AHCTF1: variants seen among roughly 807,000 people sequenced by gnomAD.
AHCTF1 encodes protein ELYS.
In AHCTF1, 24 loss-of-function variants were observed where a neutral mutation model predicts 248.4. That is an observed-to-expected ratio of 0.10 (90% CI 0.07 to 0.14). The LOEUF (loss-of-function observed/expected upper bound fraction) is 0.14, where lower values mean the gene tolerates loss of function less well. Ranked by LOEUF, AHCTF1 falls within the 10% of genes least tolerant of loss-of-function variation. AHCTF1 has a pLI of 1.00. For synonymous variants in AHCTF1, 786 were observed against 929.8 expected (o/e 0.85, Z 2.81); for missense variants, 2,206 against 2,636.2 (o/e 0.84, Z 3.57).
At position 246,931,249 on chromosome 1, in the gene AHCTF1, G is replaced by T. The variant is rs927444140; in HGVS notation, c.-8+329C>A. 7 of 1,549,644 alleles carry T rather than the reference G, an allele frequency of 4.5e-6. No individual in the cohort carries two copies. In the African/African-American group the frequency reaches 8.2e-5, roughly 18 times the overall value. Reference sequence around the variant, plus strand: ...CATCGCGTGGGAGAACAGTGGGAAAGGGTCGCGGCCCCGGCCGTCCGTAAA... The same window carrying T: ...CATCGCGTGGGAGAACAGTGGGAAATGGTCGCGGCCCCGGCCGTCCGTAAA... On this transcript the variant is annotated intron_variant, in intron 1 of 35. Transcript: ENST00000648844.
intron 24 of AHCTF1, among the ~76,000 whole-genome samples, chr1:246,868,597 CT>C (rs1445081607): frequency 7.7e-6 from 1 of 129,080 alleles, no homozygotes; most frequent in African/African-American, 3.2e-5. Context: ...GGAAGTTGGG[CT>C]TTTGGTAAGT....
At chr1:246,881,624 G>A (rs1311584597) in intron 21 of AHCTF1, among the ~76,000 whole-genome samples, 1 of 151,904 alleles carries the variant, frequency 6.6e-6, no homozygotes, top group East Asian at 1.9e-4. Context: ...ATCACCTGAG[G>A]TCAGGAGTTC....
At chr1:246,872,588 T>C (rs1662674663) in intron 24 of AHCTF1, among the ~76,000 whole-genome samples, 1 of 152,132 alleles carries the variant, frequency 6.6e-6, no homozygotes, top group African/African-American at 2.4e-5. Flanking sequence ...TACACATAAC[T>C]TAAGAAACCT....
rs767928528 is a variant in AHCTF1, at chr1:246,867,723, T to A, written c.3177A>T (p.Leu1059Phe). 6.2e-7 allele frequency: 1 copy of A among 1,612,564 alleles called. No individual in the cohort carries two copies. Among genetic ancestry groups the A allele is most frequent in the South Asian group, 1.1e-5 (1 of 90,962 alleles). ...TTGCCCAAACTTCTCCAATTTTAGA[T>A]AACACATTGTTGATGAAAACAGATC... Reference protein sequence around the residue: ...LTRSVFINNVLSKIGEVWASK... With the variant: ...LTRSVFINNVFSKIGEVWASK... The change falls in exon 25 of 36, where the codon TTA becomes TTT. Residue 1059 changes from leucine to phenylalanine, a missense_variant. This residue lies in a region of AHCTF1 where 955 missense variants were observed against 1,055.6 expected (regional missense o/e 0.90). Transcript: ENST00000648844.
chr1:246,898,333 A>T lies in AHCTF1; in HGVS notation c.1498T>A (p.Leu500Met), dbSNP rs1259894984. 6.2e-7 allele frequency: 1 copy of T among 1,612,924 alleles called. No homozygotes were observed. Among genetic ancestry groups the T allele is most frequent in the Admixed American group, 1.7e-5 (1 of 59,954 alleles). The change falls in exon 12 of 36, where the codon TTG (leucine) becomes ATG (methionine). Residue 500 changes from leucine (L) to methionine (M), a missense_variant. Physicochemically the swap from Leu to Met is conservative, Grantham distance 15 (BLOSUM62 2). This residue lies in a region of AHCTF1 where 650 missense variants were observed against 870.8 expected (regional missense o/e 0.75). Coordinates refer to ENST00000648844, the MANE Select transcript of AHCTF1 (RefSeq NM_001323342.2). ...GGACCTGATTTCTTTAAAAAAGTCA[A>T]AGTCTGTAACAGATAAATTAGTAAG... ...LTCTGFQKET[L>M]TFLKKSGPSL... is the part of the protein sequence containing the mutation.
chr1:246,891,056 C>T lies in AHCTF1; in HGVS notation c.1950G>A (p.Leu650=). ...CCACAAACTTATTGCTTAAGTCTATCAGTCCTGTAAAGAAGAGTTAACATC... is the reference window on the plus strand; with the variant it reads ...CCACAAACTTATTGCTTAAGTCTATTAGTCCTGTAAAGAAGAGTTAACATC... ...SEAREITERG[L]IDLSNKFVVS... Residue 650 remains leucine, a synonymous_variant, in exon 16 of 36, where the codon CTG becomes CTA. Transcript: ENST00000648844. The T allele has an allele frequency of 1.3e-6, 2 of 1,552,892 alleles. No individual in the cohort carries two copies. Among genetic ancestry groups the T allele is most frequent in the East Asian group, 2.4e-5 (1 of 42,414 alleles).
Position 246,891,797 on chromosome 1 carries a change from G to C in AHCTF1, c.1927C>G (p.Arg643Gly). The stretch of plus-strand genomic sequence containing the variant: ...AGCGTACCTCTCTCAGTGATCTCTC[G>C]GGCTTCTGATGCAAAACAGCTCAAG... Reference protein sequence around the residue: ...IVLSCFASEAREITERGLIDL... With the variant: ...IVLSCFASEAGEITERGLIDL... The change falls in exon 15 of 36, where the codon CGA becomes GGA. Residue 643 changes from arginine to glycine, a missense_variant. Arg to Gly is a moderately radical substitution (Grantham distance 125). Coordinates refer to ENST00000648844, the MANE Select transcript of AHCTF1 (RefSeq NM_001323342.2). 2 of 1,610,806 alleles carry C rather than the reference G, an allele frequency of 1.2e-6. No individual in the cohort carries two copies. Among genetic ancestry groups the C allele is most frequent in the South Asian group, 1.1e-5 (1 of 90,428 alleles).
intron 1 of AHCTF1, among the ~76,000 whole-genome samples, chr1:246,922,592 C>G (rs1227015603): frequency 1.3e-5 from 2 of 151,508 alleles, no homozygotes; most frequent in Admixed American, 1.3e-4. Context: ...TAAGGTCTCA[C>G]TATGTTGCCC....
At position 246,888,441 on chromosome 1, in the gene AHCTF1, T is replaced by C; in HGVS notation, c.2221A>G (p.Lys741Glu). The C allele has an allele frequency of 4.3e-6, 7 of 1,613,282 alleles. No homozygotes were observed. Among genetic ancestry groups the C allele is most frequent in the Non-Finnish European group, 5.9e-6 (7 of 1,180,016 alleles). The change falls in exon 18 of 36, where the codon AAA becomes GAA. Residue 741 changes from lysine (K) to glutamate (E), a missense_variant. By Grantham distance (56) the Lys-to-Glu change is moderately conservative. Coordinates refer to ENST00000648844, the MANE Select transcript of AHCTF1 (RefSeq NM_001323342.2). ...QLGERIEKLW[K>E]RDEGGTGKYP... ...TTTCCTGTGCCTCCTTCATCTCGTT[T>C]CCACAACTTCTCAATTCGCTCTCCT...
chr1:246,888,882 C>A (rs1410766484), intron 17 of AHCTF1, among the ~76,000 whole-genome samples: 1 of 152,130 alleles, frequency 6.6e-6, no homozygotes, highest in Non-Finnish European at 1.5e-5. Flanking sequence ...GCAGCCTGGG[C>A]AACAGAGACC....
intron 7 of AHCTF1, among the ~76,000 whole-genome samples, chr1:246,903,741 A>G (rs1665178202): frequency 6.7e-6 from 1 of 148,516 alleles, no homozygotes; most frequent in South Asian, 2.2e-4. Flanking sequence ...CCAGAGGCTG[A>G]GGCAGAGAAT....
In AHCTF1 at chr1:246,907,689, C is replaced by A; in HGVS notation, c.626G>T (p.Arg209Leu). The A allele has an allele frequency of 6.2e-7, 1 of 1,613,940 alleles. No individual in the cohort carries two copies. Among genetic ancestry groups the A allele is most frequent in the Non-Finnish European group, 8.5e-7 (1 of 1,179,930 alleles). ...HIRESVMRQG[R>L]HLCFQLVSPT... The stretch of plus-strand genomic sequence containing the variant: ...ACTTACTAACTGGAAACACAGATGG[C>A]GCCCTTGTCTCATTACACTTTCTCT... Residue 209 changes from arginine (R) to leucine (L), a missense_variant, in exon 5 of 36, where the codon CGC (arginine) becomes CTC (leucine). By Grantham distance (102) the Arg-to-Leu change is moderately radical (BLOSUM62 -2). Transcript: ENST00000648844.
rs186595371 is a variant in AHCTF1, at chr1:246,868,100, T to C, written c.3089-289A>G. The stretch of plus-strand genomic sequence containing the variant: ...GCCTCAGCCTCCCAAGTAGATGGGA[T>C]TACAGGCATGGCCACCAAGCCCGGC... On this transcript the variant is annotated intron_variant, in intron 24 of 35. Coordinates refer to ENST00000648844, the MANE Select transcript of AHCTF1 (RefSeq NM_001323342.2). 3.5e-3 allele frequency among the ~76,000 whole-genome samples: 528 copies of C among 151,580 alleles called. 2 individuals carry two copies. Among genetic ancestry groups the C allele is most frequent in the Middle Eastern group, 0.01 (3 of 290 alleles).
rs1572419119 is a variant in AHCTF1, at chr1:246,888,499, A to G, written c.2163T>C (p.Asp721=). 6.2e-7 allele frequency: 1 copy of G among 1,613,972 alleles called. No homozygotes were observed. The highest frequency in any genetic ancestry group is 2.2e-5 in the East Asian group (1 of 44,866). The change falls in exon 18 of 36, where the codon GAT becomes GAC. Residue 721 remains aspartate (D), a synonymous_variant. Coordinates refer to ENST00000648844, the MANE Select transcript of AHCTF1 (RefSeq NM_001323342.2). Reference sequence around the variant, plus strand: ...AAACCAGTCCATCAATCATCAAGCAATCGGGATTCCACTTCCCTCTGCAAT... The same window carrying G: ...AAACCAGTCCATCAATCATCAAGCAGTCGGGATTCCACTTCCCTCTGCAAT... The part of the protein sequence containing the change: ...ERLSRGKWNP[D]CLMIDGLVSQ...
intron 4 of AHCTF1, among the ~76,000 whole-genome samples, chr1:246,912,861 G>C (rs1665904229): frequency 1.3e-5 from 2 of 151,882 alleles, no homozygotes; most frequent in African/African-American, 4.8e-5. Flanking sequence ...TACATTGCTG[G>C]GTAATTTCAT....
chr1:246,911,836 A>T (rs1252507346), intron 4 of AHCTF1, among the ~76,000 whole-genome samples: 1 of 151,620 alleles, frequency 6.6e-6, no homozygotes, highest in Non-Finnish European at 1.5e-5. Context: ...CTGCCAAATC[A>T]AATTTTTTCA....
chr1:246,886,623 G>C (rs146264026), intron 20 of AHCTF1, among the ~76,000 whole-genome samples: 16 of 152,200 alleles, frequency 1.1e-4, no homozygotes, highest in Admixed American at 5.2e-4. Context: ...ATCTACAGTT[G>C]ATTGAAGCCA....
Position 246,849,667 on chromosome 1 carries a change from T to C in AHCTF1, c.6339A>G (p.Pro2113=), listed in dbSNP as rs2103040251. The change falls in exon 33 of 36, where the codon CCA becomes CCG. Residue 2113 remains proline (P), a synonymous_variant. Coordinates refer to ENST00000648844, the MANE Select transcript of AHCTF1 (RefSeq NM_001323342.2). ...KAILLPDLSE[P]NNEPLFSPAS... ...CTGGAGAAAATAAAGGCTCATTGTT[T>C]GGTTCAGAAAGGTCCGGCAACAAGA... 6.2e-7 allele frequency: 1 copy of C among 1,613,900 alleles called. No individual in the cohort carries two copies. Among genetic ancestry groups the C allele is most frequent in the Non-Finnish European group, 8.5e-7 (1 of 1,179,816 alleles).
Position 246,907,530 on chromosome 1 carries a change from AG to A in AHCTF1, c.764+20del. 1 of 1,602,246 alleles carries A rather than the reference AG, an allele frequency of 6.2e-7. No homozygotes were observed. Among genetic ancestry groups the A allele is most frequent in the South Asian group, 1.1e-5 (1 of 89,560 alleles). On this transcript the variant is annotated intron_variant, in intron 5 of 35. Transcript: ENST00000648844. ...CAAAAAAACTACCTATAATCAAATAAGGGAAAAAAGTTATACTTACTCTCTT... is the reference window on the plus strand; with the variant it reads ...CAAAAAAACTACCTATAATCAAATAAGGAAAAAAGTTATACTTACTCTCTT...
Sources: gnomAD v4.1 joint callset for allele counts (sites outside exome capture counted in the v4.1 genomes callset) on GRCh38, gnomAD v4.1.1 for gene constraint, gnomAD v4.1.1 regional missense constraint, MANE v1.5 for transcripts, NCBI Gene and HGNC (gene_info 2026-07-23, HGNC 2026-07-21) for gene names.